Variants in ANO10 observed in about 807,000 individuals in gnomAD.
The protein encoded by ANO10 is anoctamin-10.
ANO10 carries 77 observed loss-of-function variants against 74.7 expected under a neutral mutation model. The observed-to-expected ratio is 1.03, with a 90% CI of 0.86 to 1.25. The LOEUF (loss-of-function observed/expected upper bound fraction) is 1.25, where lower values mean the gene tolerates loss of function less well. Among genes scored for constraint, ANO10 ranks in the 50% most tolerant of loss-of-function variants. ANO10 has a pLI of 0.00. For synonymous variants in ANO10, 279 were observed against 284.9 expected (o/e 0.98, Z 0.21); for missense variants, 721 against 778.1 (o/e 0.93, Z 0.87).
At chr3:43,537,389 A>G (rs2078759595) in intron 11 of ANO10, among the ~76,000 whole-genome samples, 1 of 152,198 alleles carries the variant, frequency 6.6e-6, no homozygotes, top group Non-Finnish European at 1.5e-5. Context: ...TCACAGGCTT[A>G]ATTATTAGCA....
intron 4 of ANO10, among the ~76,000 whole-genome samples, chr3:43,587,668 A>C (rs527558889): frequency 6.6e-6 from 1 of 152,308 alleles, no homozygotes; most frequent in South Asian, 2.1e-4. Context: ...GCTTATGGGG[A>C]AGGAAAGGAA....
chr3:43,565,519 A>G lies in ANO10; in HGVS notation c.1293+134T>C. The G allele has an allele frequency of 3.8e-6, 3 of 797,596 alleles. No homozygotes were observed. In the East Asian group the frequency reaches 8.4e-5, roughly 22 times the overall value. 49.4% of individuals were successfully genotyped at this position (797,596 alleles called of 1,614,324 possible). ...CCATTCCTAATAATTTTTTATTTAG[A>G]ATTTGGCTTAAAAACATACAAAATT... On this transcript the variant is annotated intron_variant, in intron 8 of 12. Coordinates refer to ENST00000292246, the MANE Select transcript of ANO10 (RefSeq NM_018075.5).
chr3:43,590,420 G>A (rs1255893800), intron 4 of ANO10, among the ~76,000 whole-genome samples: 2 of 152,172 alleles, frequency 1.3e-5, no homozygotes, highest in African/African-American at 2.4e-5. Context: ...AAGTTAGAGA[G>A]TTAGGAAGCT....
rs371241913 is a variant in ANO10 at position 43,591,326 on chromosome 3, T to C, written c.472+7206A>G. 3.3e-5 allele frequency among the ~76,000 whole-genome samples: 5 copies of C among 152,304 alleles called. No individual in the cohort carries two copies. In the South Asian group the frequency reaches 6.2e-4, roughly 19 times the overall value. ...CAATTGGGCTAGAAGCTCGCCATTG[T>C]TCCTGTGCAGCTAAGTGCCCAGGTT... is the stretch of plus-strand genomic sequence containing the variant. On this transcript the variant is annotated intron_variant, in intron 4 of 12. Coordinates refer to ENST00000292246, the MANE Select transcript of ANO10 (RefSeq NM_018075.5).
intron 11 of ANO10, among the ~76,000 whole-genome samples, chr3:43,516,877 C>A (rs1273734328): frequency 6.6e-6 from 1 of 152,090 alleles, no homozygotes; most frequent in Non-Finnish European, 1.5e-5. Flanking sequence ...AGGAAGGAAG[C>A]ACAGGGGTAG....
At chr3:43,511,965 A>C (rs940776641) in intron 11 of ANO10, among the ~76,000 whole-genome samples, 2 of 152,168 alleles carry the variant, frequency 1.3e-5, no homozygotes, top group Non-Finnish European at 2.9e-5. Flanking sequence ...CAAATTCTAA[A>C]GCAGCAGAGT....
chr3:43,452,717 A>G (rs780394285), intron 11 of ANO10, among the ~76,000 whole-genome samples: 1 of 152,232 alleles, frequency 6.6e-6, no homozygotes, highest in Non-Finnish European at 1.5e-5. Flanking sequence ...GCTGGATCGC[A>G]TAGTAACTCT....
intron 11 of ANO10, among the ~76,000 whole-genome samples, chr3:43,543,451 C>T (rs571613409): frequency 4.6e-5 from 7 of 152,212 alleles, no homozygotes; most frequent in East Asian, 1.9e-4. Context: ...GTGCAGTGGC[C>T]GGATCTCAGC....
chr3:43,394,799 G>A (rs2148854779), intron 12 of ANO10, among the ~76,000 whole-genome samples: 1 of 152,244 alleles, frequency 6.6e-6, no homozygotes, highest in East Asian at 1.9e-4. Context: ...ATTTACAGAT[G>A]TAGTAACTGA....
chr3:43,598,444 G>A (rs1298672048), intron 4 of ANO10, 88 bp downstream of exon 4: 3 of 1,324,416 alleles, frequency 2.3e-6, no homozygotes, highest in Admixed American at 1.9e-5. Flanking sequence ...GTAAGTTTGT[G>A]TAAGTTCTTC....
At chr3:43,651,805 T>G (rs2083790850) in intron 1 of ANO10, among the ~76,000 whole-genome samples, 1 of 152,190 alleles carries the variant, frequency 6.6e-6, no homozygotes, top group South Asian at 2.1e-4. Flanking sequence ...GATTAATACT[T>G]AGTTCAATCA....
At chr3:43,574,143 C>G (rs1026340611) in intron 7 of ANO10, among the ~76,000 whole-genome samples, 1 of 151,798 alleles carries the variant, frequency 6.6e-6, no homozygotes, top group Non-Finnish European at 1.5e-5. Flanking sequence ...ATGGTAGAGA[C>G]AGGTTTTCAC....
upstream of ANO10, among the ~76,000 whole-genome samples, chr3:43,626,611 CT>C (rs1241825478): frequency 6.6e-6 from 1 of 152,116 alleles, no homozygotes; most frequent in African/African-American, 2.4e-5. Flanking sequence ...ATGTTCTTTA[CT>C]TTTAAAATTT....
In ANO10 at chr3:43,366,938, G is replaced by T. The variant is rs1159793147; in HGVS notation, c.1951C>A (p.Pro651Thr). The stretch of plus-strand genomic sequence containing the variant: ...GCCTTCTCCTTCCCGCTTTCCATTG[G>T]TTCCTCCTTCAGGTTCTCGGTCACG... ...KLVTENLKEE[P>T]MESGKEKAT The change falls in exon 13 of 13, where the codon CCA becomes ACA. Residue 651 changes from proline (P) to threonine (T), a missense_variant. Coordinates refer to ENST00000292246, the MANE Select transcript of ANO10 (RefSeq NM_018075.5). 1.2e-6 allele frequency: 2 copies of T among 1,601,044 alleles called. No individual in the cohort carries two copies. The highest frequency in any genetic ancestry group is 1.3e-5 in the African/African-American group (1 of 74,812).
At chr3:43,588,623 TAA>T (rs1397891560) in intron 4 of ANO10, among the ~76,000 whole-genome samples, 2 of 148,586 alleles carry the variant, frequency 1.3e-5, no homozygotes, top group African/African-American at 4.9e-5. Context: ...TATCCTGATA[TAA>T]GAGACCCACA....
At chr3:43,633,922 C>T (rs1575572337) in intron 1 of ANO10, among the ~76,000 whole-genome samples, 1 of 151,022 alleles carries the variant, frequency 6.6e-6, no homozygotes, top group East Asian at 1.9e-4. Flanking sequence ...GACTTTTAAC[C>T]CTGGTCTTTT....
chr3:43,619,618 G>A (rs924091925), intron 1 of ANO10, among the ~76,000 whole-genome samples: 2 of 151,844 alleles, frequency 1.3e-5, no homozygotes, highest in African/African-American at 4.8e-5. Context: ...GGGAGTCCAT[G>A]GGGGGTGGAT....
chr3:43,551,782 T>G (rs563414845), intron 10 of ANO10, among the ~76,000 whole-genome samples: 1 of 152,340 alleles, frequency 6.6e-6, no homozygotes, highest in Non-Finnish European at 1.5e-5. Flanking sequence ...TTTCCATATA[T>G]ATCTTTTTCT....
chr3:43,537,712 C>G (rs914286673), intron 11 of ANO10, among the ~76,000 whole-genome samples: 1 of 151,478 alleles, frequency 6.6e-6, no homozygotes, highest in African/African-American at 2.4e-5. Flanking sequence ...TATTCAAAAA[C>G]CTTTCTTTTC....
Sources: gnomAD v4.1 joint callset for allele counts (sites outside exome capture counted in the v4.1 genomes callset) on GRCh38, gnomAD v4.1.1 for gene constraint, MANE v1.5 for transcripts, NCBI Gene and HGNC (gene_info 2026-07-23, HGNC 2026-07-21) for gene names.